The following HLCS variants were observed in gnomAD, a reference collection of about 807,000 sequenced individuals.
The protein encoded by HLCS is biotin--protein ligase.
A neutral mutation model predicts 75.0 loss-of-function variants in HLCS; 53 were observed. The ratio of observed to expected loss-of-function variants is 0.71; its 90% CI spans 0.57 to 0.89. The LOEUF is 0.89. Ranked by LOEUF, HLCS falls within the 40% of genes least tolerant of loss-of-function variation. The pLI is 0.00. For missense variants in HLCS, 966 were observed against 1,074.0 expected (o/e 0.90, Z 1.41); for synonymous variants, 431 against 428.6 (o/e 1.01, Z -0.07).
chr21:36,835,181 C>T (rs952795756), intron 6 of HLCS, among the ~76,000 whole-genome samples: 1 of 152,186 alleles, frequency 6.6e-6, no homozygotes. Flanking sequence ...ACGTCTGATT[C>T]AGATGATCAG....
chr21:36,830,093 T>C (rs1048793317), intron 6 of HLCS, among the ~76,000 whole-genome samples: 3 of 152,122 alleles, frequency 2.0e-5, no homozygotes, highest in African/African-American at 7.2e-5. Context: ...GAAGAGGACA[T>C]TTGAACACAG....
At chr21:36,879,298 C>T (rs1262802540) in intron 6 of HLCS, among the ~76,000 whole-genome samples, 1 of 152,146 alleles carries the variant, frequency 6.6e-6, no homozygotes, top group Non-Finnish European at 1.5e-5. Flanking sequence ...TACAGAACTG[C>T]TGGCTCAAAA....
At chr21:36,855,382 A>T (rs28478303) in intron 6 of HLCS, among the ~76,000 whole-genome samples, 4 of 81,820 alleles carry the variant, frequency 4.9e-5, no homozygotes, top group African/African-American at 2.4e-4. Context: ...AATAAAAAAA[A>T]AAAAAATTAG....
intron 2 of HLCS, among the ~76,000 whole-genome samples, chr21:36,944,827 T>C (rs1398584800): frequency 2.0e-5 from 3 of 152,134 alleles, no homozygotes; most frequent in Non-Finnish European, 2.9e-5. Flanking sequence ...TTTAAAAATG[T>C]TGCACTATTC....
At position 36,849,090 on chromosome 21, in the gene HLCS, G is replaced by A. The variant is rs555317606; in HGVS notation, c.1892+47770C>T. On this transcript the variant is annotated intron_variant, in intron 6 of 10. Coordinates refer to ENST00000674895, the MANE Select transcript of HLCS (RefSeq NM_001352514.2). ...GGAAATCTAATCCTAAAATAATAAC[G>A]CATATATTGATATAACAGCACTGTG... Among the ~76,000 whole-genome samples, 402 of 152,216 alleles carry A rather than the reference G, an allele frequency of 2.6e-3. 4 individuals carry two copies. The highest frequency in any genetic ancestry group is 0.015 in the South Asian group (74 of 4,816).
At chr21:36,812,227 T>C (rs1467769438) in intron 6 of HLCS, among the ~76,000 whole-genome samples, 1 of 152,136 alleles carries the variant, frequency 6.6e-6, no homozygotes, top group Non-Finnish European at 1.5e-5. Flanking sequence ...TCAAATCTTC[T>C]CTCTCTATCC....
At chr21:36,755,549 C>T (rs925104088) in intron 10 of HLCS, among the ~76,000 whole-genome samples, 11 of 152,204 alleles carry the variant, frequency 7.2e-5, no homozygotes, top group East Asian at 5.8e-4. Context: ...TGGATACAAA[C>T]GGTCCATGTT....
chr21:36,918,786 T>A (rs2066038105), intron 5 of HLCS, among the ~76,000 whole-genome samples: 1 of 152,220 alleles, frequency 6.6e-6, no homozygotes, highest in Non-Finnish European at 1.5e-5. Flanking sequence ...AAATGTGGCA[T>A]TCAACAAGGA....
chr21:36,959,789 CA>C (rs1208448655), intron 2 of HLCS, among the ~76,000 whole-genome samples: 1 of 152,212 alleles, frequency 6.6e-6, no homozygotes, highest in African/African-American at 2.4e-5. Flanking sequence ...CTGCCTTGCT[CA>C]CCCTCCACAT....
chr21:36,963,414 G>A (rs886581249), intron 1 of HLCS, among the ~76,000 whole-genome samples: 4 of 152,238 alleles, frequency 2.6e-5, no homozygotes, highest in Admixed American at 2.0e-4. Context: ...AAAATTTAGG[G>A]GAGAATTTGC....
intron 5 of HLCS, among the ~76,000 whole-genome samples, chr21:36,918,829 G>A (rs2066039615): frequency 6.6e-6 from 1 of 152,194 alleles, no homozygotes. Flanking sequence ...AAAGTTACAG[G>A]GGTTAACATC....
intron 6 of HLCS, among the ~76,000 whole-genome samples, chr21:36,887,117 G>A (rs1171948101): frequency 8.5e-6 from 1 of 117,854 alleles, no homozygotes; most frequent in Non-Finnish European, 1.7e-5. Context: ...GCCACAGAGT[G>A]AGATTCTGTC....
chr21:36,839,434 T>G (rs988843461), intron 6 of HLCS, among the ~76,000 whole-genome samples: 1 of 152,232 alleles, frequency 6.6e-6, no homozygotes. Flanking sequence ...TTGCAAGAAC[T>G]TGCTTTTCTT....
At position 36,761,847 on chromosome 21, in the gene HLCS, C is replaced by A. The variant is rs569186613; in HGVS notation, c.2122-2006G>T. Among the ~76,000 whole-genome samples, 19 of 152,290 alleles carry A rather than the reference C, an allele frequency of 1.2e-4. 1 individual carries two copies. The highest frequency in any genetic ancestry group is 2.1e-4 in the Non-Finnish European group (14 of 68,020). On this transcript the variant is annotated intron_variant, in intron 8 of 10. Transcript: ENST00000674895. ...GGGGAATGAGCCCCTGCCTCGCCGG[C>A]GGGAGGACACCTGCAGAGTTCCCAG... is the stretch of plus-strand genomic sequence containing the variant.
At chr21:36,810,315 T>G (rs899945912) in intron 6 of HLCS, among the ~76,000 whole-genome samples, 2 of 152,208 alleles carry the variant, frequency 1.3e-5, no homozygotes, top group Admixed American at 1.3e-4. Context: ...TCTGACCCTT[T>G]CGGCAGCAAG....
At chr21:36,956,457 G>A (rs947127633) in intron 2 of HLCS, among the ~76,000 whole-genome samples, 1 of 152,194 alleles carries the variant, frequency 6.6e-6, no homozygotes, top group Non-Finnish European at 1.5e-5. Context: ...GGCCAGGTGT[G>A]GTGGCTCACA....
chr21:36,789,037 C>T (rs2060781662), intron 6 of HLCS, among the ~76,000 whole-genome samples: 1 of 151,986 alleles, frequency 6.6e-6, no homozygotes, highest in African/African-American at 2.4e-5. Flanking sequence ...ATTTTTTTTG[C>T]TCTACTTCTT....
intron 6 of HLCS, among the ~76,000 whole-genome samples, chr21:36,791,068 A>G (rs2060846417): frequency 6.6e-6 from 1 of 152,224 alleles, no homozygotes; most frequent in Non-Finnish European, 1.5e-5. Context: ...GCCTCAGCAG[A>G]GATCTTTGGG....
chr21:36,954,507 T>C (rs1161501619), intron 2 of HLCS, among the ~76,000 whole-genome samples: 1 of 151,256 alleles, frequency 6.6e-6, no homozygotes, highest in Non-Finnish European at 1.5e-5. Flanking sequence ...TCCCAGCTAC[T>C]TGGGAGGCTG....
Sources: allele counts gnomAD v4.1 joint callset (sites outside exome capture counted in the v4.1 genomes callset), GRCh38; gene constraint gnomAD v4.1.1; transcripts MANE v1.5; gene names NCBI Gene and HGNC (gene_info 2026-07-23, HGNC 2026-07-21).